Variants in ZNF551 observed in about 807,000 individuals in gnomAD.
The protein encoded by ZNF551 is zinc finger protein 551, also known as KOX 23 protein (56 AA).
ZNF551 carries 5 observed loss-of-function variants against 7.9 expected under a neutral mutation model. That is an observed-to-expected ratio of 0.63 (90% CI 0.33 to 1.33). ZNF551 has a LOEUF of 1.33. Among genes scored for constraint, ZNF551 ranks in the 40% most tolerant of loss-of-function variants. The probability of loss-of-function intolerance (pLI) is 0.05; values close to 1 mark genes in which losing one functional copy is unlikely to be tolerated. For synonymous variants in ZNF551, 287 were observed against 277.3 expected (o/e 1.03, Z -0.35); for missense variants, 788 against 825.2 (o/e 0.95, Z 0.55).
In ZNF551 at chr19:57,687,158, A is replaced by C; in HGVS notation, c.883A>C (p.Ile295Leu). 6.2e-7 allele frequency: 1 copy of C among 1,614,222 alleles called. No individual in the cohort carries two copies. Among genetic ancestry groups the C allele is most frequent in the East Asian group, 2.2e-5 (1 of 44,882 alleles). ...ATCCTTTAGCAAAAAGTGCCACCTA[A>C]TCTTACACAAGATAATTCACACTGG... ...EESFSKKCHL[I>L]LHKIIHTGER... The change falls in exon 3 of 3, where the codon ATC (isoleucine) becomes CTC (leucine). Residue 295 changes from isoleucine to leucine, a missense_variant. Coordinates refer to ENST00000282296, the MANE Select transcript of ZNF551 (RefSeq NM_138347.5).
Position 57,687,026 on chromosome 19 carries a change from T to C in ZNF551, c.751T>C (p.Tyr251His). ...HQSVCSEGGL[Y>H]ECSKCEKAFT... is the part of the protein sequence containing the mutation. ...GAGTGTCTGTTCTGAAGGAGGGCTT[T>C]ATGAGTGTAGCAAATGTGAGAAAGC... The change falls in exon 3 of 3, where the codon TAT becomes CAT. Residue 251 changes from tyrosine to histidine, a missense_variant. Physicochemically the swap from Tyr to His is moderately conservative, Grantham distance 83 (BLOSUM62 2). Transcript: ENST00000282296. The C allele has an allele frequency of 6.2e-7, 1 of 1,614,228 alleles. No homozygotes were observed. Among genetic ancestry groups the C allele is most frequent in the South Asian group, 1.1e-5 (1 of 91,088 alleles).
intron 1 of ZNF551, 80 bp downstream of exon 1, chr19:57,682,324 C>T (rs997094255): frequency 1.4e-5 from 20 of 1,440,702 alleles, no homozygotes; most frequent in African/African-American, 2.8e-5. Flanking sequence ...CTGCTCACAG[C>T]CCTGCAGCCC....
chr19:57,685,481 T>C (rs986281119), intron 2 of ZNF551, 96 bp downstream of exon 2: 2 of 1,583,556 alleles, frequency 1.3e-6, no homozygotes, highest in Non-Finnish European at 8.7e-7. Context: ...GTGGATCTTA[T>C]TTTTCTTGTC....
chr19:57,682,178 C>G lies in ZNF551; in HGVS notation c.15C>G (p.Val5=), dbSNP rs1449075574. The change falls in exon 1 of 3, where the codon GTC becomes GTG. Residue 5 remains valine, a synonymous_variant. Coordinates refer to ENST00000282296, the MANE Select transcript of ZNF551 (RefSeq NM_138347.5). ...GTTGTGTTCGAATGCCCGCCCCGGTCGGCCGCCGCTCCCCGCCTAGTCCAC... is the reference window on the plus strand; with the variant it reads ...GTTGTGTTCGAATGCCCGCCCCGGTGGGCCGCCGCTCCCCGCCTAGTCCAC... The part of the protein sequence containing the change: MPAP[V]GRRSPPSPRS... 6.5e-7 allele frequency: 1 copy of G among 1,548,972 alleles called. No homozygotes were observed. Among genetic ancestry groups the G allele is most frequent in the African/African-American group, 1.4e-5 (1 of 73,044 alleles).
Position 57,689,981 on chromosome 19 carries a change from AGCC to A in ZNF551, c.*1694_*1696del, listed in dbSNP as rs1984712711. 1 of 152,084 alleles carries A rather than the reference AGCC, an allele frequency of 6.6e-6. No individual in the cohort carries two copies. The highest frequency in any genetic ancestry group is 2.1e-4 in the South Asian group (1 of 4,826). 9.4% of individuals were successfully genotyped at this position (152,084 alleles called of 1,614,324 possible). ...CATTCCTATTAATTCAGGTGGCAAC[AGCC>A]TTCATTGCTTGCCAAAATTTGCTGC... On this transcript the variant is annotated 3_prime_UTR_variant, in exon 3 of 3. Transcript: ENST00000282296.
intron 2 of ZNF551, 121 bp downstream of exon 2, chr19:57,685,506 A>T: frequency 1.3e-6 from 2 of 1,486,980 alleles, no homozygotes; most frequent in South Asian, 1.1e-5. Context: ...CCCTGTCAGG[A>T]TGACTGTGTA....
rs1984408341 is a variant in ZNF551 at position 57,682,251 on chromosome 19, T to C, written c.81+7T>C. On this transcript the variant is annotated splice_region_variant and intron_variant, in intron 1 of 2. Coordinates refer to ENST00000282296, the MANE Select transcript of ZNF551 (RefSeq NM_138347.5). Reference sequence around the variant, plus strand: ...GCTGAGGGACTCGGCTCAGGTGAGTTGTGCGTCCTCCGGGTCTCGCCTACC... The same window carrying C: ...GCTGAGGGACTCGGCTCAGGTGAGTCGTGCGTCCTCCGGGTCTCGCCTACC... 8.4e-6 allele frequency: 13 copies of C among 1,549,858 alleles called. No homozygotes were observed. In the East Asian group the frequency reaches 3.2e-4, roughly 38 times the overall value.
At position 57,687,705 on chromosome 19, in the gene ZNF551, G is replaced by A. The variant is rs150123705; in HGVS notation, c.1430G>A (p.Cys477Tyr). Residue 477 changes from cysteine (C) to tyrosine (Y), a missense_variant, in exon 3 of 3, where the codon TGC becomes TAC. By Grantham distance (194) the Cys-to-Tyr change is radical. Transcript: ENST00000282296. Reference protein sequence around the residue: ...SIHTGDRPYECSECEKSFSRK... With the variant: ...SIHTGDRPYEYSECEKSFSRK... ...CACACTGGTGATAGGCCTTATGAGT[G>A]CAGTGAATGTGAGAAATCCTTTAGC... is the stretch of plus-strand genomic sequence containing the variant. The A allele has an allele frequency of 8.7e-6, 14 of 1,614,154 alleles. No homozygotes were observed. Among genetic ancestry groups the A allele is most frequent in the Non-Finnish European group, 1.2e-5 (14 of 1,180,032 alleles).
In ZNF551 at chr19:57,690,285, C is replaced by T. The variant is rs1056753796; in HGVS notation, c.*1997C>T. The stretch of plus-strand genomic sequence containing the variant: ...TATTTACCTTGTATCTTTTTATAAT[C>T]TTTCTCCCTTCCCCAGCTCTTCAGG... On this transcript the variant is annotated 3_prime_UTR_variant, in exon 3 of 3. Coordinates refer to ENST00000282296, the MANE Select transcript of ZNF551 (RefSeq NM_138347.5). The T allele has an allele frequency of 2.0e-5, 3 of 152,002 alleles. No individual in the cohort carries two copies. Among genetic ancestry groups the T allele is most frequent in the Non-Finnish European group, 2.9e-5 (2 of 68,004 alleles). The allele number at this position is 152,002 out of a possible 1,614,324, so 9.4% of individuals were successfully genotyped here.
Position 57,686,790 on chromosome 19 carries a change from G to C in ZNF551, c.515G>C (p.Gly172Ala), listed in dbSNP as rs1464778828. 1.2e-5 allele frequency: 20 copies of C among 1,614,078 alleles called. No individual in the cohort carries two copies. Among genetic ancestry groups the C allele is most frequent in the Non-Finnish European group, 1.7e-5 (20 of 1,180,040 alleles). ...RKVDEATFVTGCRFHVLNYFT... is the reference protein window; with the variant it reads ...RKVDEATFVTACRFHVLNYFT... ...GTGGATGAGGCTACATTTGTGACCG[G>C]CTGCAGATTCCATGTGTTGAATTAT... The change falls in exon 3 of 3, where the codon GGC becomes GCC. Residue 172 changes from glycine (G) to alanine (A), a missense_variant. Gly to Ala is a moderately conservative substitution (Grantham distance 60). Transcript: ENST00000282296.
At position 57,687,591 on chromosome 19, in the gene ZNF551, G is replaced by T; in HGVS notation, c.1316G>T (p.Arg439Ile). 1 of 1,614,232 alleles carries T rather than the reference G, an allele frequency of 6.2e-7. No individual in the cohort carries two copies. The highest frequency in any genetic ancestry group is 8.5e-7 in the Non-Finnish European group (1 of 1,180,046). ...SCKSELIQHQ[R>I]IHSGERPYEC... ...AAATCGGAACTCATTCAACACCAGAGAATTCACAGTGGAGAAAGACCTTAT... is the reference window on the plus strand; with the variant it reads ...AAATCGGAACTCATTCAACACCAGATAATTCACAGTGGAGAAAGACCTTAT... Residue 439 changes from arginine (R) to isoleucine (I), a missense_variant, in exon 3 of 3, where the codon AGA becomes ATA. Physicochemically the swap from Arg to Ile is moderately conservative, Grantham distance 97. Transcript: ENST00000282296.
chr19:57,682,449 A>G (rs755409227), intron 1 of ZNF551, among the ~76,000 whole-genome samples: 32 of 152,160 alleles, frequency 2.1e-4, no homozygotes, highest in Non-Finnish European at 3.5e-4. Context: ...TGGAGCTGCG[A>G]CTAAGCTGGG....
rs773394965 is a variant in ZNF551 at position 57,687,416 on chromosome 19, C to T, written c.1141C>T (p.His381Tyr). The T allele has an allele frequency of 3.1e-6, 5 of 1,614,116 alleles. No homozygotes were observed. The highest frequency in any genetic ancestry group is 1.7e-5 in the Admixed American group (1 of 60,012). The stretch of plus-strand genomic sequence containing the variant: ...TAGACAAAGCTCTAGCCTTTTTCGA[C>T]ACCAGAGAGTTCACTCTGGAGAAAG... ...SFRQSSSLFR[H>Y]QRVHSGERPY... Residue 381 changes from histidine to tyrosine, a missense_variant, in exon 3 of 3, where the codon CAC (histidine) becomes TAC (tyrosine). His to Tyr is a moderately conservative substitution (Grantham distance 83). Transcript: ENST00000282296.
At position 57,685,318 on chromosome 19, in the gene ZNF551, T is replaced by C. The variant is rs910755307; in HGVS notation, c.138T>C (p.Leu46=). Residue 46 remains leucine, a synonymous_variant, in exon 2 of 3, where the codon CTT becomes CTC. Transcript: ENST00000282296. Reference sequence around the variant, plus strand: ...TCTCCCAAGAAGAGTGGGAGCTCCTTGATGAGTCTCAGAGGTTCCTGTACT... The same window carrying C: ...TCTCCCAAGAAGAGTGGGAGCTCCTCGATGAGTCTCAGAGGTTCCTGTACT... ...IYFSQEEWEL[L]DESQRFLYCD... The C allele has an allele frequency of 6.2e-7, 1 of 1,614,122 alleles. No homozygotes were observed. The highest frequency in any genetic ancestry group is 8.5e-7 in the Non-Finnish European group (1 of 1,179,988).
rs534034509 is a variant in ZNF551, at chr19:57,689,875, A to C, written c.*1587A>C. 7.9e-5 allele frequency: 12 copies of C among 152,214 alleles called. No individual in the cohort carries two copies. Among genetic ancestry groups the C allele is most frequent in the African/African-American group, 2.9e-4 (12 of 41,536 alleles). 9.4% of individuals were successfully genotyped at this position (152,214 alleles called of 1,614,324 possible). On this transcript the variant is annotated 3_prime_UTR_variant, in exon 3 of 3. Transcript: ENST00000282296. The stretch of plus-strand genomic sequence containing the variant: ...TGTCTGGGCTGTTCACCTCAAGGCC[A>C]TTGCTATGCAGGTAGGAGAACAAGA...
rs1159200665 is a variant in ZNF551 at position 57,689,592 on chromosome 19, A to T, written c.*1304A>T. ...GGCGGGCGGATTGCCTGAGCTCAGG[A>T]GTTCAAGACCAGCCTGGGCAACATG... is the stretch of plus-strand genomic sequence containing the variant. On this transcript the variant is annotated 3_prime_UTR_variant, in exon 3 of 3. Coordinates refer to ENST00000282296, the MANE Select transcript of ZNF551 (RefSeq NM_138347.5). The T allele has an allele frequency of 6.6e-6, 1 of 152,268 alleles. No homozygotes were observed. Among genetic ancestry groups the T allele is most frequent in the Non-Finnish European group, 1.5e-5 (1 of 68,118 alleles). 9.4% of individuals were successfully genotyped at this position (152,268 alleles called of 1,614,324 possible).
chr19:57,688,870 C>G lies in ZNF551; in HGVS notation c.*582C>G, dbSNP rs1009586706. On this transcript the variant is annotated 3_prime_UTR_variant, in exon 3 of 3. Coordinates refer to ENST00000282296, the MANE Select transcript of ZNF551 (RefSeq NM_138347.5). ...TAAAGGTTTTAAAAAAATTTACGCA[C>G]CTTTAATCTTGGGTGTTCTATTCAT... The G allele has an allele frequency of 1.9e-5, 3 of 154,286 alleles. No individual in the cohort carries two copies. Among genetic ancestry groups the G allele is most frequent in the Admixed American group, 6.4e-5 (1 of 15,734 alleles). 9.6% of individuals were successfully genotyped at this position (154,286 alleles called of 1,614,324 possible).
chr19:57,687,606 A>G lies in ZNF551; in HGVS notation c.1331A>G (p.Glu444Gly). The G allele has an allele frequency of 1.2e-6, 2 of 1,614,236 alleles. No homozygotes were observed. The highest frequency in any genetic ancestry group is 1.7e-6 in the Non-Finnish European group (2 of 1,180,048). Residue 444 changes from glutamate to glycine, a missense_variant, in exon 3 of 3, where the codon GAA becomes GGA. Transcript: ENST00000282296. ...LIQHQRIHSG[E>G]RPYECRECGK... ...CAACACCAGAGAATTCACAGTGGAG[A>G]AAGACCTTATGAATGCAGAGAATGT...
chr19:57,686,871 C>G lies in ZNF551; in HGVS notation c.596C>G (p.Thr199Ser). Residue 199 changes from threonine to serine, a missense_variant, in exon 3 of 3, where the codon ACT becomes AGT. Physicochemically the swap from Thr to Ser is moderately conservative, Grantham distance 58. Coordinates refer to ENST00000282296, the MANE Select transcript of ZNF551 (RefSeq NM_138347.5). ...ACGGACCTACTCCAACACGAAGCCA[C>G]TCCCAGTGGTGAGGAGCCACACAGT... ...APTDLLQHEA[T>S]PSGEEPHSSS... 5 of 1,614,212 alleles carry G rather than the reference C, an allele frequency of 3.1e-6. No homozygotes were observed. Among genetic ancestry groups the G allele is most frequent in the Non-Finnish European group, 4.2e-6 (5 of 1,180,032 alleles).
Sources: allele counts gnomAD v4.1 joint callset (sites outside exome capture counted in the v4.1 genomes callset), GRCh38; gene constraint gnomAD v4.1.1; transcripts MANE v1.5; gene names NCBI Gene and HGNC (gene_info 2026-07-23, HGNC 2026-07-21).